Variants in KLHDC2 observed in about 807,000 individuals in gnomAD.
The protein encoded by KLHDC2 is kelch domain containing 2.
A neutral mutation model predicts 62.3 loss-of-function variants in KLHDC2; 38 were observed. The observed-to-expected ratio is 0.61, with a 90% CI of 0.47 to 0.80. The LOEUF (loss-of-function observed/expected upper bound fraction) is 0.80, where lower values mean the gene tolerates loss of function less well. Among genes scored for constraint, KLHDC2 ranks in the 30% least tolerant of loss-of-function variants. The pLI is 0.00. For missense variants in KLHDC2, 430 were observed against 495.3 expected, an observed-to-expected ratio of 0.87 and a Z score of 1.25; for synonymous variants, 159 against 161.0, an observed-to-expected ratio of 0.99 and a Z score of 0.09.
rs1285814038 is a variant in KLHDC2 at position 49,784,558 on chromosome 14, T to C, written c.*1605T>C. 1.7e-5 allele frequency: 16 copies of C among 948,398 alleles called. No individual in the cohort carries two copies. In the East Asian group the frequency reaches 2.7e-4, roughly 16 times the overall value. 58.7% of individuals were successfully genotyped at this position (948,398 alleles called of 1,614,324 possible). On this transcript the variant is annotated 3_prime_UTR_variant, in exon 13 of 13. Transcript: ENST00000298307. ...CATTTTTATAATGCGGAAATCCTGATACATGGTGCTTTCATCTTTGAACTT... is the reference window on the plus strand; with the variant it reads ...CATTTTTATAATGCGGAAATCCTGACACATGGTGCTTTCATCTTTGAACTT...
In KLHDC2 at chr14:49,785,746, G is replaced by C. The variant is rs1339674354; in HGVS notation, c.*2793G>C. ...CTACAAAAAATATAAAAGTTAGCTGGGTATAGTGGGTGCCTGTAGTCCCAG... is the reference window on the plus strand; with the variant it reads ...CTACAAAAAATATAAAAGTTAGCTGCGTATAGTGGGTGCCTGTAGTCCCAG... On this transcript the variant is annotated 3_prime_UTR_variant, in exon 13 of 13. Coordinates refer to ENST00000298307, the MANE Select transcript of KLHDC2 (RefSeq NM_014315.3). 1 of 175,906 alleles carries C rather than the reference G, an allele frequency of 5.7e-6. No homozygotes were observed. Among genetic ancestry groups the C allele is most frequent in the East Asian group, 1.5e-4 (1 of 6,710 alleles). 10.9% of individuals were successfully genotyped at this position (175,906 alleles called of 1,614,324 possible).
At position 49,784,784 on chromosome 14, in the gene KLHDC2, GA is replaced by G. The variant is rs1052634670; in HGVS notation, c.*1836del. 1.1e-5 allele frequency: 16 copies of G among 1,476,968 alleles called. No individual in the cohort carries two copies. The African/African-American group carries it at 1.3e-4, about 12-fold the overall frequency. The allele number at this position is 1,476,968 out of a possible 1,614,324, so 91.5% of individuals were successfully genotyped here. A position where few individuals can be genotyped will look rare whatever the true frequency, so the allele number is the denominator to read the frequency against. ...ATCATGTTTCTTTTATGACAAAAAC[GA>G]AAAACATTTCCAAACTTTTAGCTGA... On this transcript the variant is annotated 3_prime_UTR_variant, in exon 13 of 13. Transcript: ENST00000298307.
In KLHDC2 at chr14:49,768,324, C is replaced by T; in HGVS notation, c.-145C>T. ...CCGAGGAGGCTGGGAAACGCGAGCG[C>T]AGGCGGCAGAGAGGCCTCAACGCCG... On this transcript the variant is annotated 5_prime_UTR_variant, in exon 1 of 13. Transcript: ENST00000298307. 1 of 866,830 alleles carries T rather than the reference C, an allele frequency of 1.2e-6. No homozygotes were observed. Among genetic ancestry groups the T allele is most frequent in the Non-Finnish European group, 1.7e-6 (1 of 591,070 alleles). The allele number at this position is 866,830 out of a possible 1,614,324, so 53.7% of individuals were successfully genotyped here.
Position 49,784,335 on chromosome 14 carries a change from C to T in KLHDC2, c.*1382C>T, listed in dbSNP as rs1475787297. The T allele has an allele frequency of 4.3e-6, 1 of 233,600 alleles. No individual in the cohort carries two copies. Among genetic ancestry groups the T allele is most frequent in the East Asian group, 9.5e-5 (1 of 10,544 alleles). 14.5% of individuals were successfully genotyped at this position (233,600 alleles called of 1,614,324 possible). A position where few individuals can be genotyped will look rare whatever the true frequency, so the allele number is the denominator to read the frequency against. On this transcript the variant is annotated 3_prime_UTR_variant, in exon 13 of 13. Transcript: ENST00000298307. The stretch of plus-strand genomic sequence containing the variant: ...GCCACTTCACTGTTCAGTTTCTTTA[C>T]ATCATGAAATGAATACTTGGTATTA...
At chr14:49,782,313 T>C in intron 10 of KLHDC2, 57 bp from the exon 11 acceptor site, 1 of 1,145,406 alleles carries the variant, frequency 8.7e-7, no homozygotes, top group Non-Finnish European at 1.3e-6. Flanking sequence ...TTCTGTAGTA[T>C]AAAATGGCCA....
rs531650499 is a variant in KLHDC2, at chr14:49,785,177, A to G, written c.*2224A>G. 9.4e-6 allele frequency: 15 copies of G among 1,603,824 alleles called. No homozygotes were observed. Among genetic ancestry groups the G allele is most frequent in the Non-Finnish European group, 1.1e-5 (13 of 1,170,632 alleles). On this transcript the variant is annotated 3_prime_UTR_variant, in exon 13 of 13. Transcript: ENST00000298307. ...CATGTGTTACTAAATAGACGTTACA[A>G]AACAATTCACAAAAGCCATTCTGTC...
At chr14:49,775,467 A>G (rs1299306004) in intron 3 of KLHDC2, among the ~76,000 whole-genome samples, 2 of 152,216 alleles carry the variant, frequency 1.3e-5, no homozygotes, top group Admixed American at 1.3e-4. Flanking sequence ...AAAATAACTC[A>G]GTAAGTATTG....
rs375963447 is a variant in KLHDC2, at chr14:49,785,230, T to C, written c.*2277T>C. 54 of 1,613,236 alleles carry C rather than the reference T, an allele frequency of 3.3e-5. No individual in the cohort carries two copies. The highest frequency in any genetic ancestry group is 4.4e-5 in the Non-Finnish European group (52 of 1,179,310). ...CTAATGGTAACTTACTTGTAGTTTG[T>C]CATGGTGGTGTAAGGGGCACATATT... On this transcript the variant is annotated 3_prime_UTR_variant, in exon 13 of 13. Coordinates refer to ENST00000298307, the MANE Select transcript of KLHDC2 (RefSeq NM_014315.3).
chr14:49,782,495 T>C (rs756728555), intron 11 of KLHDC2, 38 bp downstream of exon 11: 1 of 1,596,012 alleles, frequency 6.3e-7, no homozygotes, highest in Non-Finnish European at 8.6e-7. Context: ...TGAAACTTAC[T>C]TGCAAAGCAT....
At chr14:49,774,435 G>T in intron 2 of KLHDC2, 126 bp from the exon 3 acceptor site, 1 of 691,224 alleles carries the variant, frequency 1.4e-6, no homozygotes, top group Non-Finnish European at 2.6e-6. Flanking sequence ...AGATCCTAGC[G>T]GCACTGTCTA....
chr14:49,784,617 T>C lies in KLHDC2; in HGVS notation c.*1664T>C, dbSNP rs748115576. ...CTATAAAATTGGCTCTTCTCAAATA[T>C]TTTAGAATTTCATTTCAGCTATTTC... On this transcript the variant is annotated 3_prime_UTR_variant, in exon 13 of 13. Coordinates refer to ENST00000298307, the MANE Select transcript of KLHDC2 (RefSeq NM_014315.3). 1 of 1,578,070 alleles carries C rather than the reference T, an allele frequency of 6.3e-7. No homozygotes were observed. The highest frequency in any genetic ancestry group is 1.7e-5 in the Admixed American group (1 of 57,846).
intron 12 of KLHDC2, 79 bp from the exon 13 acceptor site, chr14:49,782,751 G>A: frequency 1.3e-6 from 2 of 1,505,076 alleles, no homozygotes; most frequent in Non-Finnish European, 1.8e-6. Flanking sequence ...AAAGAGGGAT[G>A]TTTTATGTAG....
chr14:49,768,711 C>G (rs2139786198), intron 1 of KLHDC2, 90 bp downstream of exon 1: 4 of 1,263,330 alleles, frequency 3.2e-6, no homozygotes, highest in Non-Finnish European at 4.2e-6. Context: ...AGCGGGCCGC[C>G]GAGGGCGCTC....
At position 49,779,630 on chromosome 14, in the gene KLHDC2, T is replaced by C. The variant is rs1461616948; in HGVS notation, c.669T>C (p.Cys223=). 1.2e-6 allele frequency: 2 copies of C among 1,614,190 alleles called. No homozygotes were observed. Among genetic ancestry groups the C allele is most frequent in the East Asian group, 2.2e-5 (1 of 44,874 alleles). ...KAPSPRAAHA[C]ATVGNRGFVF... ...CTTCACCTCGTGCTGCCCATGCCTG[T>C]GCAACTGTCGGAAATAGAGGCTTCG... is the stretch of plus-strand genomic sequence containing the variant. The change falls in exon 7 of 13, where the codon TGT becomes TGC. Residue 223 remains cysteine, a synonymous_variant. Transcript: ENST00000298307.
In KLHDC2 at chr14:49,783,608, G is replaced by GAGAC. The variant is rs1209685289; in HGVS notation, c.*659_*662dup. Reference sequence around the variant, plus strand: ...ATGACATCATTTTCCATTCTGTTAAGAGACAGAGGAAAAGTGGGTTAGAGT... The same window carrying GAGAC: ...ATGACATCATTTTCCATTCTGTTAAGAGACAGACAGAGGAAAAGTGGGTTAGAGT... On this transcript the variant is annotated 3_prime_UTR_variant, in exon 13 of 13. Transcript: ENST00000298307. The GAGAC allele has an allele frequency of 6.6e-6, 1 of 152,086 alleles. No individual in the cohort carries two copies. Among genetic ancestry groups the GAGAC allele is most frequent in the African/African-American group, 2.4e-5 (1 of 41,398 alleles). The allele number at this position is 152,086 out of a possible 1,614,324, so 9.4% of individuals were successfully genotyped here. A position where few individuals can be genotyped will look rare whatever the true frequency, so the allele number is the denominator to read the frequency against.
Position 49,783,021 on chromosome 14 carries a change from T to C in KLHDC2, c.*68T>C, listed in dbSNP as rs75507219. On this transcript the variant is annotated 3_prime_UTR_variant, in exon 13 of 13. Coordinates refer to ENST00000298307, the MANE Select transcript of KLHDC2 (RefSeq NM_014315.3). ...ATCCTGTAAACATCACAGAGTGGCATCATTTGTATAATTATATGCATTGTT... is the reference window on the plus strand; with the variant it reads ...ATCCTGTAAACATCACAGAGTGGCACCATTTGTATAATTATATGCATTGTT... The C allele has an allele frequency of 9.3e-4, 1,410 of 1,516,118 alleles. 10 individuals carry two copies. In the African/African-American group the frequency reaches 0.018, roughly 19 times the overall value. The allele number at this position is 1,516,118 out of a possible 1,614,324, so 93.9% of individuals were successfully genotyped here.
In KLHDC2 at chr14:49,782,974, T is replaced by C; in HGVS notation, c.*21T>C. 1 of 1,607,412 alleles carries C rather than the reference T, an allele frequency of 6.2e-7. No homozygotes were observed. Among genetic ancestry groups the C allele is most frequent in the Non-Finnish European group, 8.5e-7 (1 of 1,176,658 alleles). ...CTTAAGGCTTCATAAATAATGCCTA[T>C]GATCACCTTGCATGGACAGCAATCC... is the stretch of plus-strand genomic sequence containing the variant. On this transcript the variant is annotated 3_prime_UTR_variant, in exon 13 of 13. Coordinates refer to ENST00000298307, the MANE Select transcript of KLHDC2 (RefSeq NM_014315.3).
At chr14:49,770,352 C>T (rs370459502) in intron 1 of KLHDC2, among the ~76,000 whole-genome samples, 1 of 152,294 alleles carries the variant, frequency 6.6e-6, no homozygotes. Context: ...GGCAGTTTTC[C>T]TCCCCAGGAC....
chr14:49,771,777 C>T (rs1594698706), intron 2 of KLHDC2, 104 bp downstream of exon 2: 17 of 630,960 alleles, frequency 2.7e-5, no homozygotes, highest in South Asian at 1.5e-4. Context: ...CCAACGCGGG[C>T]GGATCTCTCG....
Sources: gnomAD v4.1 joint callset for allele counts (sites outside exome capture counted in the v4.1 genomes callset) on GRCh38, gnomAD v4.1.1 for gene constraint, MANE v1.5 for transcripts, NCBI Gene and HGNC (gene_info 2026-07-23, HGNC 2026-07-21) for gene names.